Variants in MRPL40 observed in about 807,000 individuals in gnomAD.
MRPL40 encodes the protein large ribosomal subunit protein mL40.
In MRPL40, 18 loss-of-function variants were observed where a neutral mutation model predicts 24.5. The ratio of observed to expected loss-of-function variants is 0.73; its 90% CI spans 0.51 to 1.09. The LOEUF is 1.09. Among genes scored for constraint, MRPL40 ranks in the 50% least tolerant of loss-of-function variants. MRPL40 has a pLI of 0.00. For synonymous variants in MRPL40, 108 were observed against 94.6 expected, an observed-to-expected ratio of 1.14 and a Z score of -0.82; for missense variants, 256 against 243.8, an observed-to-expected ratio of 1.05 and a Z score of -0.33.
intron 1 of MRPL40, 49 bp from the exon 2 acceptor site, chr22:19,433,216 C>T (rs2089560407): frequency 7.4e-7 from 1 of 1,353,680 alleles, no homozygotes; most frequent in East Asian, 2.3e-5. Context: ...TGAGCAACCG[C>T]GCCTAGCCTG....
chr22:19,434,807 G>A lies in MRPL40; in HGVS notation c.209G>A (p.Arg70Lys). ...KDQEAKERLK[R>K]KIRKLEKATQ... ...CAAGAAGCAAAGGAGCGCTTGAAAA[G>A]GAAGATCCGAAAACTGGAAAAGGCT... is the stretch of plus-strand genomic sequence containing the variant. Residue 70 changes from arginine (R) to lysine (K), a missense_variant, in exon 3 of 4, where the codon AGG becomes AAG. Transcript: ENST00000333130. 1 of 1,612,544 alleles carries A rather than the reference G, an allele frequency of 6.2e-7. No individual in the cohort carries two copies.
At chr22:19,433,411 A>C in intron 2 of MRPL40, 63 bp downstream of exon 2, 1 of 998,292 alleles carries the variant, frequency 1.0e-6, no homozygotes, top group Non-Finnish European at 1.6e-6. Context: ...GTAGAGAACA[A>C]AGCAAGAATG....
chr22:19,432,682 C>G, intron 1 of MRPL40, 75 bp downstream of exon 1: 1 of 1,478,656 alleles, frequency 6.8e-7, no homozygotes, highest in Non-Finnish European at 9.0e-7. Context: ...CGCCAGGACT[C>G]GCCTGTGCTC....
chr22:19,435,771 CAGGAAGCTCTGG>C lies in MRPL40; in HGVS notation c.436_447del (p.Ala146_Glu149del). 9 of 1,614,192 alleles carry C rather than the reference CAGGAAGCTCTGG, an allele frequency of 5.6e-6. No individual in the cohort carries two copies. Among genetic ancestry groups the C allele is most frequent in the Non-Finnish European group, 7.6e-6 (9 of 1,180,026 alleles). On this transcript the variant is annotated inframe_deletion, in exon 4 of 4. Transcript: ENST00000333130. ...CATCAGGGCTATGCTAGAAGCCCAG[CAGGAAGCTCTGG>C]AGGAACTGCAACTGGAATCCCCGAA...
rs747304904 is a variant in MRPL40, at chr22:19,435,640, A to C, written c.299A>C (p.Glu100Ala). 6 of 1,611,098 alleles carry C rather than the reference A, an allele frequency of 3.7e-6. No homozygotes were observed. In the African/African-American group the frequency reaches 8.0e-5, roughly 22 times the overall value. ...TPLKFLDKARERPQVELTFEE... is the reference protein window; with the variant it reads ...TPLKFLDKARARPQVELTFEE... ...GGTAACCCTTAGCTTCTTTGCAGAG[A>C]GCGGCCTCAGGTGGAGCTCACCTTT... Residue 100 changes from glutamate (E) to alanine (A), a missense_variant and splice_region_variant, in exon 4 of 4, where the codon GAG becomes GCG. Glu to Ala is a moderately radical substitution (Grantham distance 107, BLOSUM62 -1). Coordinates refer to ENST00000333130, the MANE Select transcript of MRPL40 (RefSeq NM_003776.4).
Position 19,436,040 on chromosome 22 carries a change from C to CCTGATTCTGTGGAA in MRPL40, c.*78_*79insCTGATTCTGTGGAA. ...GGTTCAAGTCTGCTTTCCACAGAAT[C>CCTGATTCTGTGGAA]AGGCATGCTGTTAATAAATACTGGT... On this transcript the variant is annotated 3_prime_UTR_variant, in exon 4 of 4. Coordinates refer to ENST00000333130, the MANE Select transcript of MRPL40 (RefSeq NM_003776.4). 1 of 1,199,030 alleles carries CCTGATTCTGTGGAA rather than the reference C, an allele frequency of 8.3e-7. No homozygotes were observed. The highest frequency in any genetic ancestry group is 1.2e-6 in the Non-Finnish European group (1 of 839,782). The allele number at this position is 1,199,030 out of a possible 1,614,324, so 74.3% of individuals were successfully genotyped here.
chr22:19,434,974 A>G, intron 3 of MRPL40, 80 bp downstream of exon 3: 5 of 1,242,308 alleles, frequency 4.0e-6, no homozygotes, highest in Non-Finnish European at 5.6e-6. Context: ...TGTAGTTCAC[A>G]CCTGTGATAG....
Position 19,434,836 on chromosome 22 carries a change from C to A in MRPL40, c.238C>A (p.Gln80Lys), listed in dbSNP as rs770148967. The A allele has an allele frequency of 6.2e-7, 1 of 1,611,390 alleles. No individual in the cohort carries two copies. Among genetic ancestry groups the A allele is most frequent in the Non-Finnish European group, 8.5e-7 (1 of 1,179,316 alleles). Residue 80 changes from glutamine (Q) to lysine (K), a missense_variant, in exon 3 of 4, where the codon CAA becomes AAA. Physicochemically the swap from Gln to Lys is moderately conservative, Grantham distance 53 (BLOSUM62 1). Transcript: ENST00000333130. ...RKIRKLEKAT[Q>K]ELIPIEDFIT... ...GATCCGAAAACTGGAAAAGGCTACT[C>A]AAGAGCTAATTCCTATTGAAGATTT...
chr22:19,435,507 C>T (rs1453287182), intron 3 of MRPL40, 131 bp from the exon 4 acceptor site: 2 of 836,006 alleles, frequency 2.4e-6, no homozygotes, highest in Non-Finnish European at 3.8e-6. Flanking sequence ...TTCAACATTC[C>T]ATTTCTTAAT....
chr22:19,433,299 ACT>A lies in MRPL40; in HGVS notation c.90_91del (p.His31ProfsTer28). ...AACTTGGCAGACGCAGCTTAGAGAG[ACT>A]CACCAGCGAGCGTCATTGTTGTCTT... ...LGTWQTQLRE[T>X]HQRASLLSFW... On this transcript the variant is annotated frameshift_variant, in exon 2 of 4. Coordinates refer to ENST00000333130, the MANE Select transcript of MRPL40 (RefSeq NM_003776.4). LOFTEE classifies it high-confidence loss of function. 6.2e-7 allele frequency: 1 copy of A among 1,613,080 alleles called. No individual in the cohort carries two copies. The highest frequency in any genetic ancestry group is 8.5e-7 in the Non-Finnish European group (1 of 1,179,284).
At chr22:19,432,804 T>C in intron 1 of MRPL40, 197 bp downstream of exon 1, 1 of 1,369,666 alleles carries the variant, frequency 7.3e-7, no homozygotes, top group Non-Finnish European at 9.4e-7. Context: ...AAGTCCTCTG[T>C]GGTCTGAACG....
rs1601873923 is a variant in MRPL40 at position 19,434,926 on chromosome 22, A to G, written c.296+32A>G. 4.6e-6 allele frequency: 7 copies of G among 1,530,194 alleles called. No homozygotes were observed. In the East Asian group the frequency reaches 1.6e-4, roughly 34 times the overall value. 94.8% of individuals were successfully genotyped at this position (1,530,194 alleles called of 1,614,324 possible). On this transcript the variant is annotated intron_variant, in intron 3 of 3. Transcript: ENST00000333130. ...ATCCTTCTCTAGGGATGAAGTCCTC[A>G]GGACAAAGGAGTAATATCAACTTCA...
At chr22:19,432,921 G>A (rs1487154013) in intron 1 of MRPL40, 15 of 1,163,110 alleles carry the variant, frequency 1.3e-5, no homozygotes, top group African/African-American at 1.6e-5. Flanking sequence ...TGAAGTGGGA[G>A]AGAATCAGAT....
chr22:19,433,387 G>A (rs757991268), intron 2 of MRPL40, 39 bp downstream of exon 2: 4 of 1,263,254 alleles, frequency 3.2e-6, no homozygotes, highest in South Asian at 1.2e-5. Context: ...GGGGGTAAAG[G>A]TGTCAGTCTA....
chr22:19,434,485 A>G (rs1487915897), intron 2 of MRPL40, among the ~76,000 whole-genome samples: 1 of 151,992 alleles, frequency 6.6e-6, no homozygotes, highest in East Asian at 1.9e-4. Context: ...TGCCTCCCAA[A>G]GTGCTGGGAT....
intron 3 of MRPL40, 131 bp downstream of exon 3, chr22:19,435,025 T>C: frequency 1.3e-6 from 1 of 749,554 alleles, no homozygotes; most frequent in East Asian, 2.6e-5. Flanking sequence ...CCCTAATGAG[T>C]CCTTGCTCCT....
chr22:19,433,500 A>G (rs2089564872), intron 2 of MRPL40, 152 bp downstream of exon 2: 1 of 561,310 alleles, frequency 1.8e-6, no homozygotes, highest in African/African-American at 1.9e-5. Flanking sequence ...TGTTTTTCCA[A>G]CATTTTCCAA....
Position 19,435,824 on chromosome 22 carries a change from C to A in MRPL40, c.483C>A (p.Ala161=), listed in dbSNP as rs746149567. 2 of 1,614,212 alleles carry A rather than the reference C, an allele frequency of 1.2e-6. No individual in the cohort carries two copies. The highest frequency in any genetic ancestry group is 1.7e-6 in the Non-Finnish European group (2 of 1,180,034). Residue 161 remains alanine, a synonymous_variant, in exon 4 of 4, where the codon GCC becomes GCA. Transcript: ENST00000333130. The part of the protein sequence containing the change: ...QLESPKLHAE[A]IKRDPNLFPF... ...AATCCCCGAAGCTCCATGCTGAGGC[C>A]ATCAAGCGGGATCCTAACCTGTTCC...
Position 19,433,365 on chromosome 22 carries a change from G to T in MRPL40, c.137+17G>T. The T allele has an allele frequency of 6.6e-7, 1 of 1,508,468 alleles. No individual in the cohort carries two copies. The highest frequency in any genetic ancestry group is 9.2e-7 in the Non-Finnish European group (1 of 1,084,330). The allele number at this position is 1,508,468 out of a possible 1,614,324, so 93.4% of individuals were successfully genotyped here. Reference sequence around the variant, plus strand: ...TCCCATGAGGTAAAACTCAATCGAGGGCCTGACCTCTGGGGGTAAAGGTGT... The same window carrying T: ...TCCCATGAGGTAAAACTCAATCGAGTGCCTGACCTCTGGGGGTAAAGGTGT... On this transcript the variant is annotated intron_variant, in intron 2 of 3. Transcript: ENST00000333130.
Sources: gnomAD v4.1 joint callset for allele counts (sites outside exome capture counted in the v4.1 genomes callset) on GRCh38, gnomAD v4.1.1 for gene constraint, MANE v1.5 for transcripts, NCBI Gene and HGNC (gene_info 2026-07-23, HGNC 2026-07-21) for gene names.